TRPC4: variants seen among roughly 807,000 people sequenced by gnomAD.
TRPC4 encodes short transient receptor potential channel 4.
In TRPC4, 49 loss-of-function variants were observed where a neutral mutation model predicts 99.4. The observed-to-expected ratio is 0.49, with a 90% CI of 0.39 to 0.63. The LOEUF is 0.63. TRPC4 is among the 20% of genes least tolerant of loss of function. TRPC4 has a pLI of 0.00. For missense variants in TRPC4, 898 were observed against 1,152.9 expected, an observed-to-expected ratio of 0.78 and a Z score of 3.20; for synonymous variants, 454 against 425.9, an observed-to-expected ratio of 1.07 and a Z score of -0.81.
chr13:37,745,500 G>A (rs1393643204), intron 3 of TRPC4, among the ~76,000 whole-genome samples: 54 of 107,432 alleles, frequency 5.0e-4, no homozygotes, highest in Admixed American at 3.1e-3. Context: ...TTATATATAC[G>A]TATATATGTA....
chr13:37,780,244 G>C (rs1194837355), intron 2 of TRPC4, among the ~76,000 whole-genome samples: 2 of 151,850 alleles, frequency 1.3e-5, no homozygotes, highest in African/African-American at 4.8e-5. Flanking sequence ...TTCTGAAAGA[G>C]TATATTTTGA....
Position 37,736,001 on chromosome 13 carries a change from A to G in TRPC4, c.897+9936T>C, listed in dbSNP as rs905288994. ...CAATTTCAAATTTAACTGTGGGGGA[A>G]AAAAACACTTTCAGTTAGGAATTAG... On this transcript the variant is annotated intron_variant, in intron 3 of 10. Transcript: ENST00000379705. 1.1e-4 allele frequency among the ~76,000 whole-genome samples: 16 copies of G among 151,376 alleles called. 1 individual carries two copies. Among genetic ancestry groups the G allele is most frequent in the African/African-American group, 3.9e-4 (16 of 40,790 alleles).
chr13:37,868,481 C>A (rs1227324866), intron 1 of TRPC4, among the ~76,000 whole-genome samples: 1 of 151,986 alleles, frequency 6.6e-6, no homozygotes, highest in Admixed American at 6.6e-5. Flanking sequence ...CAAAAACACC[C>A]CAAACCAAAA....
intron 3 of TRPC4, among the ~76,000 whole-genome samples, chr13:37,740,969 C>T (rs1317517210): frequency 6.6e-6 from 1 of 152,080 alleles, no homozygotes; most frequent in East Asian, 1.9e-4. Flanking sequence ...TAGGACGAAA[C>T]CCAAATTAGT....
chr13:37,745,052 TA>T (rs1462925204), intron 3 of TRPC4, among the ~76,000 whole-genome samples: 1 of 152,204 alleles, frequency 6.6e-6, no homozygotes, highest in African/African-American at 2.4e-5. Flanking sequence ...GCTATTGTAC[TA>T]AAGTCTTTTA....
intron 2 of TRPC4, among the ~76,000 whole-genome samples, chr13:37,769,544 T>C (rs1956490210): frequency 6.6e-6 from 1 of 151,552 alleles, no homozygotes. Flanking sequence ...ATAATATGTT[T>C]AGATTATGTT....
At chr13:37,668,897 A>G (rs1231887489) in intron 5 of TRPC4, among the ~76,000 whole-genome samples, 2 of 152,158 alleles carry the variant, frequency 1.3e-5, no homozygotes, top group Non-Finnish European at 2.9e-5. Context: ...TTATACTGGC[A>G]TATTATTTTC....
rs755900356 is a variant in TRPC4, at chr13:37,692,029, C to T, written c.1204G>A (p.Val402Ile). 4 of 1,613,876 alleles carry T rather than the reference C, an allele frequency of 2.5e-6. No homozygotes were observed. Among genetic ancestry groups the T allele is most frequent in the South Asian group, 2.2e-5 (2 of 91,078 alleles). ...ACCCACGGTAATATCATCCACTCGA[C>T]GATGGTTGGTGGTGGACCTTGCCTG... The part of the protein sequence containing the change: ...LNRQGPPPTI[V>I]EWMILPWVLG... Residue 402 changes from valine to isoleucine, a missense_variant, in exon 4 of 11, where the codon GTC (valine) becomes ATC (isoleucine). Physicochemically the swap from Val to Ile is conservative, Grantham distance 29. Around this residue, in one of 3 missense-constraint regions of TRPC4, gnomAD observed 274 missense variants for 454.9 expected, o/e 0.60. Coordinates refer to ENST00000379705, the MANE Select transcript of TRPC4 (RefSeq NM_016179.4).
At chr13:37,842,660 G>T (rs978134680) in intron 1 of TRPC4, among the ~76,000 whole-genome samples, 1 of 152,146 alleles carries the variant, frequency 6.6e-6, no homozygotes, top group African/African-American at 2.4e-5. Context: ...GGAGCAGGTA[G>T]CTCTCTAGGG....
chr13:37,647,964 G>C (rs1198912436), intron 8 of TRPC4, among the ~76,000 whole-genome samples: 1 of 151,264 alleles, frequency 6.6e-6, no homozygotes, highest in Non-Finnish European at 1.5e-5. Flanking sequence ...TATTTATTGA[G>C]ATGGAGTCTC....
At chr13:37,786,070 CAAGG>C (rs1238157438) in intron 1 of TRPC4, among the ~76,000 whole-genome samples, 1 of 151,806 alleles carries the variant, frequency 6.6e-6, no homozygotes, top group African/African-American at 2.4e-5. Flanking sequence ...CAACACTTAC[CAAGG>C]AATGGCTGAG....
At chr13:37,782,185 A>T (rs766821626) in intron 2 of TRPC4, among the ~76,000 whole-genome samples, 2 of 152,132 alleles carry the variant, frequency 1.3e-5, no homozygotes, top group Non-Finnish European at 2.9e-5. Flanking sequence ...TACAAAGGGA[A>T]GAGTCCAGAC....
intron 1 of TRPC4, among the ~76,000 whole-genome samples, chr13:37,833,876 T>C (rs1958490221): frequency 6.6e-6 from 1 of 152,204 alleles, no homozygotes; most frequent in Non-Finnish European, 1.5e-5. Context: ...TTTTTTATTG[T>C]CTTTGTATTT....
chr13:37,752,445 T>G (rs1955960995), intron 2 of TRPC4, among the ~76,000 whole-genome samples: 1 of 151,898 alleles, frequency 6.6e-6, no homozygotes, highest in Non-Finnish European at 1.5e-5. Context: ...GTTCCAAGCC[T>G]TCCAACTAGA....
chr13:37,807,613 C>T (rs371780166), intron 1 of TRPC4, among the ~76,000 whole-genome samples: 32 of 152,038 alleles, frequency 2.1e-4, no homozygotes, highest in South Asian at 4.2e-4. Flanking sequence ...ACCTCCACCT[C>T]GCTATAGAAA....
chr13:37,826,350 T>G (rs560056249), intron 1 of TRPC4, among the ~76,000 whole-genome samples: 174 of 115,660 alleles, frequency 1.5e-3, no homozygotes, highest in African/African-American at 5.6e-3. Flanking sequence ...CGTTAGTTGA[T>G]GCAGTTTCTT....
At chr13:37,738,670 A>G (rs1448163118) in intron 3 of TRPC4, among the ~76,000 whole-genome samples, 6 of 152,198 alleles carry the variant, frequency 3.9e-5, no homozygotes, top group African/African-American at 1.2e-4. Context: ...CAATAGATGA[A>G]CAAAGGAATA....
chr13:37,697,605 G>C (rs1042980253), intron 3 of TRPC4, among the ~76,000 whole-genome samples: 1 of 152,130 alleles, frequency 6.6e-6, no homozygotes, highest in Admixed American at 6.5e-5. Flanking sequence ...CCATATTTTG[G>C]GATATGTATG....
At chr13:37,674,667 CCCT>C (rs1041964179) in intron 4 of TRPC4, among the ~76,000 whole-genome samples, 3 of 152,060 alleles carry the variant, frequency 2.0e-5, no homozygotes, top group Non-Finnish European at 4.4e-5. Flanking sequence ...CTATATATTT[CCCT>C]TGGAAAATAA....
Sources: allele counts gnomAD v4.1 joint callset (sites outside exome capture counted in the v4.1 genomes callset), GRCh38; gene constraint gnomAD v4.1.1; regional missense constraint gnomAD v4.1.1; transcripts MANE v1.5; gene names NCBI Gene and HGNC (gene_info 2026-07-23, HGNC 2026-07-21).